KIFAP3: variants seen among roughly 807,000 people sequenced by gnomAD.
KIFAP3 encodes kinesin associated protein 3.
Under a neutral mutation model 106.5 loss-of-function variants are expected in KIFAP3, and 68 were observed. That is an observed-to-expected ratio of 0.64 (90% CI 0.53 to 0.78). The LOEUF (loss-of-function observed/expected upper bound fraction) is 0.78, where lower values mean the gene tolerates loss of function less well. Among genes scored for constraint, KIFAP3 ranks in the 30% least tolerant of loss-of-function variants. The pLI is 0.00. For synonymous variants in KIFAP3, 320 were observed against 311.5 expected, an observed-to-expected ratio of 1.03 and a Z score of -0.29; for missense variants, 780 against 941.8, an observed-to-expected ratio of 0.83 and a Z score of 2.25.
chr1:170,006,652 C>T (rs1420784761), intron 10 of KIFAP3, among the ~76,000 whole-genome samples: 3 of 151,964 alleles, frequency 2.0e-5, no homozygotes, highest in African/African-American at 7.3e-5. Flanking sequence ...CAGTTTTGGT[C>T]CAGTTAACTA....
intron 18 of KIFAP3, among the ~76,000 whole-genome samples, chr1:169,959,476 T>C (rs937912844): frequency 1.3e-5 from 2 of 152,190 alleles, no homozygotes; most frequent in Admixed American, 1.3e-4. Context: ...TTTTGGTGTA[T>C]GAAAATATAC....
At chr1:169,975,238 TTA>T (rs1322804706) in intron 16 of KIFAP3, among the ~76,000 whole-genome samples, 1 of 152,134 alleles carries the variant, frequency 6.6e-6, no homozygotes, top group African/African-American at 2.4e-5. Flanking sequence ...TTCTCAATTC[TTA>T]TGTGATTGAG....
intron 17 of KIFAP3, among the ~76,000 whole-genome samples, chr1:169,966,039 A>G (rs1665597259): frequency 6.6e-6 from 1 of 151,920 alleles, no homozygotes; most frequent in Non-Finnish European, 1.5e-5. Flanking sequence ...TTGACATTAT[A>G]AGCCTAAAAA....
intron 17 of KIFAP3, among the ~76,000 whole-genome samples, chr1:169,964,847 C>T (rs1040228737): frequency 2.0e-5 from 3 of 152,158 alleles, no homozygotes; most frequent in Non-Finnish European, 2.9e-5. Flanking sequence ...ATTCATATAA[C>T]TTCACAAGAG....
chr1:170,022,852 A>C (rs1367706847), intron 9 of KIFAP3, among the ~76,000 whole-genome samples: 2 of 152,170 alleles, frequency 1.3e-5, no homozygotes, highest in African/African-American at 4.8e-5. Flanking sequence ...AACTTTTAAT[A>C]ATAGTCAAGA....
chr1:170,045,349 T>C (rs1476364049), intron 3 of KIFAP3, among the ~76,000 whole-genome samples: 1 of 152,156 alleles, frequency 6.6e-6, no homozygotes, highest in Non-Finnish European at 1.5e-5. Context: ...CCAATTCATA[T>C]AGGTATCTGT....
chr1:170,037,777 A>AAAAAC (rs1450373943), intron 5 of KIFAP3, among the ~76,000 whole-genome samples: 2 of 152,150 alleles, frequency 1.3e-5, no homozygotes, highest in Non-Finnish European at 2.9e-5. Context: ...TCTCAAAAAC[A>AAAAAC]AAAACAAAAC....
intron 10 of KIFAP3, among the ~76,000 whole-genome samples, chr1:169,999,252 A>T (rs1285704761): frequency 1.3e-5 from 2 of 152,210 alleles, no homozygotes; most frequent in East Asian, 3.8e-4. Context: ...TCCTACAAGA[A>T]ATGAGGATTG....
intron 19 of KIFAP3, among the ~76,000 whole-genome samples, chr1:169,925,095 T>A (rs1427980395): frequency 1.3e-5 from 2 of 152,296 alleles, no homozygotes; most frequent in South Asian, 4.1e-4. Context: ...TGTCTCTGTA[T>A]GTACATAGTT....
chr1:170,033,503 A>T (rs1453094481), intron 7 of KIFAP3, among the ~76,000 whole-genome samples: 1 of 151,828 alleles, frequency 6.6e-6, no homozygotes, highest in Non-Finnish European at 1.5e-5. Context: ...TTGATCTGCA[A>T]AACATATCAT....
chr1:170,005,481 G>C (rs1405318737), intron 10 of KIFAP3, among the ~76,000 whole-genome samples: 2 of 151,910 alleles, frequency 1.3e-5, no homozygotes, highest in African/African-American at 4.8e-5. Context: ...TGATAGACTG[G>C]ATTAAGAAAA....
At chr1:169,972,911 G>A (rs1261208762) in intron 16 of KIFAP3, among the ~76,000 whole-genome samples, 2 of 151,118 alleles carry the variant, frequency 1.3e-5, no homozygotes, top group Non-Finnish European at 3.0e-5. Context: ...TGAAGAGGAA[G>A]CTCTATAGTT....
intron 19 of KIFAP3, among the ~76,000 whole-genome samples, chr1:169,926,930 T>C (rs1277060741): frequency 3.3e-5 from 5 of 152,314 alleles, no homozygotes; most frequent in South Asian, 2.1e-4. Context: ...TGAGCTGTTA[T>C]AGGAAGAAAC....
intron 3 of KIFAP3, among the ~76,000 whole-genome samples, chr1:170,041,336 T>G (rs1454047690): frequency 1.3e-5 from 2 of 152,178 alleles, no homozygotes; most frequent in African/African-American, 2.4e-5. Flanking sequence ...AACTTGAGCA[T>G]TGATACATTA....
At chr1:170,068,428 A>T (rs1671550819) in intron 1 of KIFAP3, 1 of 152,120 alleles carries the variant, frequency 6.6e-6, no homozygotes, top group Non-Finnish European at 1.5e-5. Flanking sequence ...TAACTGAAAT[A>T]AAAAAATCAC....
intron 19 of KIFAP3, among the ~76,000 whole-genome samples, chr1:169,927,779 A>G (rs1191364998): frequency 2.0e-5 from 3 of 152,206 alleles, no homozygotes; most frequent in Admixed American, 2.0e-4. Flanking sequence ...TGTTATGGTT[A>G]AAGTTTTAGA....
chr1:170,059,818 A>G (rs1317391345), intron 1 of KIFAP3, among the ~76,000 whole-genome samples: 3 of 152,224 alleles, frequency 2.0e-5, no homozygotes, highest in African/African-American at 7.2e-5. Context: ...CTTATCCACC[A>G]TGATCAAGTG....
intron 10 of KIFAP3, among the ~76,000 whole-genome samples, chr1:170,009,102 C>T (rs979690726): frequency 2.6e-5 from 4 of 151,876 alleles, no homozygotes; most frequent in Admixed American, 6.6e-5. Flanking sequence ...CAGGACCTGT[C>T]GGGTGGTGGG....
intron 1 of KIFAP3, among the ~76,000 whole-genome samples, chr1:170,082,651 A>G (rs370651507): frequency 1.1e-3 from 167 of 152,320 alleles, no homozygotes; most frequent in African/African-American, 3.8e-3. Flanking sequence ...AAAAAGTAGT[A>G]AGCCAAATGG....
Sources: gnomAD v4.1 joint callset for allele counts (sites outside exome capture counted in the v4.1 genomes callset) on GRCh38, gnomAD v4.1.1 for gene constraint, MANE v1.5 for transcripts, NCBI Gene and HGNC (gene_info 2026-07-23, HGNC 2026-07-21) for gene names.